RPTOR: variants seen among roughly 807,000 people sequenced by gnomAD.
RPTOR encodes the protein regulatory associated protein of MTOR complex 1.
A neutral mutation model predicts 169.9 loss-of-function variants in RPTOR; 21 were observed. The observed-to-expected ratio is 0.12, with a 90% confidence interval of 0.09 to 0.18. The LOEUF (loss-of-function observed/expected upper bound fraction) is 0.18. Among genes scored for constraint, RPTOR ranks in the 10% least tolerant of loss-of-function variants. The pLI is 1.00. For missense variants in RPTOR, 1,133 were observed against 1,855.9 expected (o/e 0.61, Z 7.16); for synonymous variants, 732 against 753.2 (o/e 0.97, Z 0.46).
At chr17:80,901,246 A>T (rs953751036) in intron 20 of RPTOR, among the ~76,000 whole-genome samples, 3 of 152,152 alleles carry the variant, frequency 2.0e-5, no homozygotes, top group African/African-American at 7.2e-5. Flanking sequence ...CGGGAAGCAC[A>T]CAGCAGCCTG....
intron 31 of RPTOR, 49 bp from the exon 32 acceptor site, chr17:80,962,409 GCCC>G: frequency 6.8e-7 from 1 of 1,477,398 alleles, no homozygotes; most frequent in Middle Eastern, 1.7e-4. Flanking sequence ...CCCTGGCCAG[GCCC>G]CTCATGGGGC....
chr17:80,948,858 C>T (rs1568005344), intron 27 of RPTOR, among the ~76,000 whole-genome samples: 1 of 152,172 alleles, frequency 6.6e-6, no homozygotes, highest in Non-Finnish European at 1.5e-5. Context: ...CCGTTTCCTC[C>T]ATTCTAAGCC....
intron 2 of RPTOR, among the ~76,000 whole-genome samples, chr17:80,630,982 G>A (rs993719443): frequency 3.3e-5 from 5 of 152,172 alleles, no homozygotes; most frequent in African/African-American, 7.2e-5. Flanking sequence ...GGCGTAGTGC[G>A]GTTGCAGTGT....
At chr17:80,906,403 G>T (rs1022915344) in intron 20 of RPTOR, among the ~76,000 whole-genome samples, 1 of 152,186 alleles carries the variant, frequency 6.6e-6, no homozygotes. Context: ...AGAGCTGGAA[G>T]GCTTCGGTTC....
At position 80,792,754 on chromosome 17, in the gene RPTOR, C is replaced by G. The variant is rs182274296; in HGVS notation, c.890+1245C>G. Among the ~76,000 whole-genome samples the G allele has an allele frequency of 5.6e-4, 85 of 152,204 alleles. No homozygotes were observed. The East Asian group carries it at 0.016, about 28-fold the overall frequency. On this transcript the variant is annotated intron_variant, in intron 7 of 33. Coordinates refer to ENST00000306801, the MANE Select transcript of RPTOR (RefSeq NM_020761.3). The stretch of plus-strand genomic sequence containing the variant: ...TGGTTGGTTTGGTTCCCTGACGAGA[C>G]TGCAGTTTTGCGAAGCTGTTCTTGA...
intron 9 of RPTOR, among the ~76,000 whole-genome samples, chr17:80,830,616 T>C (rs1027045210): frequency 2.0e-5 from 3 of 151,912 alleles, no homozygotes; most frequent in African/African-American, 7.3e-5. Context: ...TCGAAAGGAG[T>C]TTGGTAGTTG....
chr17:80,846,055 CA>C (rs1161908240), intron 10 of RPTOR, among the ~76,000 whole-genome samples: 1 of 152,240 alleles, frequency 6.6e-6, no homozygotes, highest in Non-Finnish European at 1.5e-5. Context: ...AAGATTCACA[CA>C]CCATGACTCC....
At chr17:80,814,871 C>T (rs1314296398) in intron 7 of RPTOR, among the ~76,000 whole-genome samples, 2 of 152,104 alleles carry the variant, frequency 1.3e-5, no homozygotes, top group South Asian at 4.2e-4. Context: ...AGCAGGGAAC[C>T]CCTGGGTTGG....
chr17:80,893,194 G>C (rs2068348328), intron 19 of RPTOR, among the ~76,000 whole-genome samples: 1 of 152,234 alleles, frequency 6.6e-6, no homozygotes, highest in South Asian at 2.1e-4. Flanking sequence ...GGGGAGCTTG[G>C]CTCCCAGGGA....
chr17:80,896,257 A>G (rs1330202257), intron 20 of RPTOR, among the ~76,000 whole-genome samples: 1 of 151,774 alleles, frequency 6.6e-6, no homozygotes, highest in Non-Finnish European at 1.5e-5. Flanking sequence ...TCCTCCCGCC[A>G]GTGCTTCTCA....
At chr17:80,590,430 G>T (rs2065095542) in intron 1 of RPTOR, among the ~76,000 whole-genome samples, 6 of 150,486 alleles carry the variant, frequency 4.0e-5, no homozygotes, top group Admixed American at 4.0e-4. Context: ...CGTGCACACA[G>T]TGTCTTTAAT....
At chr17:80,899,269 G>T (rs1052487022) in intron 20 of RPTOR, among the ~76,000 whole-genome samples, 1 of 152,184 alleles carries the variant, frequency 6.6e-6, no homozygotes, top group Non-Finnish European at 1.5e-5. Flanking sequence ...TAAGATGTTT[G>T]TTTTGAACTG....
At chr17:80,677,986 A>G (rs2065872433) in intron 3 of RPTOR, among the ~76,000 whole-genome samples, 1 of 152,218 alleles carries the variant, frequency 6.6e-6, no homozygotes. Flanking sequence ...TCTCCAAAGT[A>G]TTTCCTCCAG....
rs898244363 is a variant in RPTOR, at chr17:80,562,846, T to C, written c.162+17055T>C. Among the ~76,000 whole-genome samples, 7 of 152,228 alleles carry C rather than the reference T, an allele frequency of 4.6e-5. No individual in the cohort carries two copies. Among genetic ancestry groups the C allele is most frequent in the African/African-American group, 1.7e-4 (7 of 41,460 alleles). ...GTTTAAAGATATATCAAAACAAAAG[T>C]ACTGTGAAAAAGTTAAATCAGATTT... On this transcript the variant is annotated intron_variant, in intron 1 of 33. Coordinates refer to ENST00000306801, the MANE Select transcript of RPTOR (RefSeq NM_020761.3). This position sits in a 1 kb window ranked among gnomAD's most constrained non-coding sequence, Gnocchi z 4.4.
intron 21 of RPTOR, among the ~76,000 whole-genome samples, chr17:80,915,502 T>A (rs545225905): frequency 2.7e-4 from 34 of 125,542 alleles, no homozygotes; most frequent in Non-Finnish European, 4.8e-4. Flanking sequence ...CAGGGTCTCC[T>A]CTCTGCTGAG....
In RPTOR at chr17:80,633,467, G is replaced by A. The variant is rs995515151; in HGVS notation, c.265+7674G>A. Among the ~76,000 whole-genome samples, 1 of 152,208 alleles carries A rather than the reference G, an allele frequency of 6.6e-6. No homozygotes were observed. Among genetic ancestry groups the A allele is most frequent in the Non-Finnish European group, 1.5e-5 (1 of 68,036 alleles). ...CTCCTCACCCTGGCGCTTGAAGGTG[G>A]CAGTCTCTTTGTTTTGTAGAATGTC... On this transcript the variant is annotated intron_variant, in intron 2 of 33. Transcript: ENST00000306801. This position sits in a 1 kb window ranked among gnomAD's most constrained non-coding sequence, Gnocchi z 4.1.
intron 20 of RPTOR, among the ~76,000 whole-genome samples, chr17:80,905,060 T>G (rs1048688459): frequency 6.6e-6 from 1 of 152,166 alleles, no homozygotes; most frequent in African/African-American, 2.4e-5. Flanking sequence ...TCAGTCCTGC[T>G]AGGAAAGGCG....
chr17:80,906,082 T>C (rs2068538615), intron 20 of RPTOR, among the ~76,000 whole-genome samples: 1 of 152,078 alleles, frequency 6.6e-6, no homozygotes, highest in Non-Finnish European at 1.5e-5. Context: ...GGCCATCCTG[T>C]CACCCATGTT....
chr17:80,571,345 G>A (rs1481226240), intron 1 of RPTOR, among the ~76,000 whole-genome samples: 1 of 152,090 alleles, frequency 6.6e-6, no homozygotes, highest in African/African-American at 2.4e-5. Context: ...AAAGAATACA[G>A]AAAACATCTA....
Sources: gnomAD v4.1 joint callset for allele counts (sites outside exome capture counted in the v4.1 genomes callset) on GRCh38, gnomAD v4.1.1 for gene constraint, Gnocchi (gnomAD v3.1) non-coding constraint, MANE v1.5 for transcripts, NCBI Gene and HGNC (gene_info 2026-07-23, HGNC 2026-07-21) for gene names.